TXNDC11: variants seen among roughly 807,000 people sequenced by gnomAD.
TXNDC11 encodes the protein thioredoxin domain-containing protein 11.
In TXNDC11, 68 loss-of-function variants were observed where a neutral mutation model predicts 78.0. The observed-to-expected ratio is 0.87, with a 90% confidence interval of 0.72 to 1.07. TXNDC11 has a LOEUF of 1.07. Ranked by LOEUF, TXNDC11 falls within the 50% of genes least tolerant of loss-of-function variation. The pLI is 0.00. For missense variants in TXNDC11, 1,389 were observed against 1,221.8 expected (o/e 1.14, Z -2.04); for synonymous variants, 571 against 495.2 (o/e 1.15, Z -2.03).
Position 11,730,526 on chromosome 16 carries a change from ATGACCTTTTACT to A in TXNDC11, c.699+107_699+118del. The A allele has an allele frequency of 2.9e-6, 3 of 1,043,770 alleles. No homozygotes were observed. The East Asian group carries it at 7.3e-5, about 25-fold the overall frequency. 64.7% of individuals were successfully genotyped at this position (1,043,770 alleles called of 1,614,324 possible). ...CATTTAACTGGGGCTGATCTATCACATGACCTTTTACTTGCTGCAATTCAGGAGGTATTTTTT... is the reference window on the plus strand; with the variant it reads ...CATTTAACTGGGGCTGATCTATCACATGCTGCAATTCAGGAGGTATTTTTT... On this transcript the variant is annotated intron_variant, in intron 4 of 11. Coordinates refer to ENST00000283033, the MANE Select transcript of TXNDC11 (RefSeq NM_015914.7).
chr16:11,713,298 AAAG>A (rs1173271666), intron 5 of TXNDC11, among the ~76,000 whole-genome samples: 1 of 151,928 alleles, frequency 6.6e-6, no homozygotes, highest in Non-Finnish European at 1.5e-5. Flanking sequence ...AAAAAAAAGA[AAAG>A]AAATCATAAT....
In TXNDC11 at chr16:11,679,316, T is replaced by G; in HGVS notation, c.2756A>C (p.Glu919Ala). ...DGAESLAAQR[E>A]VHPKQPEPSA... The stretch of plus-strand genomic sequence containing the variant: ...GGGCTCAGGCTGCTTGGGGTGGACC[T>G]CTCTCTGGGCCGCCAGGCTTTCAGC... Residue 919 changes from glutamate (E) to alanine (A), a missense_variant, in exon 12 of 12, where the codon GAG becomes GCG. Coordinates refer to ENST00000283033, the MANE Select transcript of TXNDC11 (RefSeq NM_015914.7). The surrounding 1 kb of genome is among the most constrained non-coding windows in gnomAD (Gnocchi z 4.6). 1 of 1,612,326 alleles carries G rather than the reference T, an allele frequency of 6.2e-7. No homozygotes were observed. The highest frequency in any genetic ancestry group is 1.7e-5 in the Admixed American group (1 of 59,840).
At chr16:11,714,777 AC>A (rs1181494437) in intron 5 of TXNDC11, among the ~76,000 whole-genome samples, 1 of 152,214 alleles carries the variant, frequency 6.6e-6, no homozygotes, top group African/African-American at 2.4e-5. Context: ...CTGGTGGAGT[AC>A]AGGGACACTA....
chr16:11,704,519 C>G (rs1257050940), intron 5 of TXNDC11, among the ~76,000 whole-genome samples: 1 of 152,192 alleles, frequency 6.6e-6, no homozygotes, highest in Non-Finnish European at 1.5e-5. Context: ...GCAGACACTA[C>G]TTTAACCAAC....
Position 11,742,356 on chromosome 16 carries a change from G to A in TXNDC11, c.254+121C>T, listed in dbSNP as rs1031188546. On this transcript the variant is annotated intron_variant, in intron 1 of 11. Coordinates refer to ENST00000283033, the MANE Select transcript of TXNDC11 (RefSeq NM_015914.7). ...CCGCAGGTTCCGGGAGGGGTCAGCC[G>A]TCCTGGGCAAGGTCAGGCCCGACTT... The A allele has an allele frequency of 7.6e-6, 6 of 791,472 alleles. No individual in the cohort carries two copies. In the African/African-American group the frequency reaches 9.1e-5, roughly 12 times the overall value. The allele number at this position is 791,472 out of a possible 1,614,324, so 49.0% of individuals were successfully genotyped here. A position where few individuals can be genotyped will look rare whatever the true frequency, so the allele number is the denominator to read the frequency against.
At chr16:11,696,398 G>A (rs2050860560) in intron 7 of TXNDC11, among the ~76,000 whole-genome samples, 1 of 152,236 alleles carries the variant, frequency 6.6e-6, no homozygotes, top group Non-Finnish European at 1.5e-5. Flanking sequence ...GGGCCTGATC[G>A]TCCTCTACTT....
chr16:11,694,352 C>A (rs1357794282), intron 7 of TXNDC11, among the ~76,000 whole-genome samples: 1 of 152,116 alleles, frequency 6.6e-6, no homozygotes, highest in African/African-American at 2.4e-5. Context: ...GTTGGCCAGG[C>A]TGGTCTCGAA....
At chr16:11,700,071 C>A (rs1297098905) in intron 6 of TXNDC11, among the ~76,000 whole-genome samples, 1 of 152,216 alleles carries the variant, frequency 6.6e-6, no homozygotes, top group Admixed American at 6.5e-5. Flanking sequence ...CATTACTACT[C>A]ATCATAAAAG....
intron 10 of TXNDC11, among the ~76,000 whole-genome samples, chr16:11,684,540 C>T (rs923370363): frequency 6.6e-6 from 1 of 152,162 alleles, no homozygotes; most frequent in African/African-American, 2.4e-5. Context: ...CCTCACCTGA[C>T]AGGATCTAGC....
At chr16:11,711,329 G>T (rs2051349092) in intron 5 of TXNDC11, among the ~76,000 whole-genome samples, 1 of 152,136 alleles carries the variant, frequency 6.6e-6, no homozygotes, top group Non-Finnish European at 1.5e-5. Context: ...AACAAATAAT[G>T]GCAGACACAC....
At chr16:11,692,111 G>C in intron 7 of TXNDC11, 29 bp from the exon 8 acceptor site, 1 of 1,502,180 alleles carries the variant, frequency 6.7e-7, no homozygotes. Context: ...TTGGTGAAGG[G>C]CTTGGGGATG....
At chr16:11,691,208 T>G in intron 8 of TXNDC11, 82 bp downstream of exon 8, 1 of 1,188,042 alleles carries the variant, frequency 8.4e-7, no homozygotes, top group Non-Finnish European at 1.2e-6. Context: ...CAACTAAATG[T>G]AATGAGAGCC....
chr16:11,697,412 A>C (rs932130563), intron 7 of TXNDC11, among the ~76,000 whole-genome samples: 4 of 152,078 alleles, frequency 2.6e-5, no homozygotes, highest in African/African-American at 9.7e-5. Context: ...AGTAAATGCA[A>C]TTTTGCCACC....
In TXNDC11 at chr16:11,733,974, G is replaced by T. The variant is rs372377067; in HGVS notation, c.569+8C>A. 2 of 1,594,202 alleles carry T rather than the reference G, an allele frequency of 1.3e-6. No homozygotes were observed. Among genetic ancestry groups the T allele is most frequent in the South Asian group, 2.3e-5 (2 of 88,306 alleles). The stretch of plus-strand genomic sequence containing the variant: ...TGGAATGAGAGACGCTATTTAAAAA[G>T]TTCTTACCTCCGATGATACAGATAT... On this transcript the variant is annotated splice_region_variant and intron_variant, in intron 3 of 11. Transcript: ENST00000283033.
At chr16:11,680,164 G>C (rs2050385305) in intron 11 of TXNDC11, among the ~76,000 whole-genome samples, 1 of 152,334 alleles carries the variant, frequency 6.6e-6, no homozygotes, top group Middle Eastern at 3.4e-3. Context: ...TGTAGGCATG[G>C]GGCCTCTGTG....
chr16:11,692,069 G>T lies in TXNDC11; in HGVS notation c.1121C>A (p.Ala374Asp). The change falls in exon 8 of 12, where the codon GCC (alanine) becomes GAC (aspartate). Residue 374 changes from alanine to aspartate, a missense_variant. Physicochemically the swap from Ala to Asp is moderately radical, Grantham distance 126. Transcript: ENST00000283033. ...HPLIDEITEV[A>D]LEYNNCHGDQ... ...CCCATGACAGTTGTTGTACTCCAAG[G>T]CCACTTCGGTGATCTGAAATACAGG... The T allele has an allele frequency of 6.6e-7, 1 of 1,524,462 alleles. No individual in the cohort carries two copies. Among genetic ancestry groups the T allele is most frequent in the Non-Finnish European group, 8.8e-7 (1 of 1,137,276 alleles). The allele number at this position is 1,524,462 out of a possible 1,614,324, so 94.4% of individuals were successfully genotyped here. A position where few individuals can be genotyped will look rare whatever the true frequency, so the allele number is the denominator to read the frequency against.
At chr16:11,729,220 C>T (rs567335837) in intron 4 of TXNDC11, among the ~76,000 whole-genome samples, 4 of 152,310 alleles carry the variant, frequency 2.6e-5, no homozygotes, top group African/African-American at 9.6e-5. Flanking sequence ...GAGTAACCCG[C>T]CCCAAATCAC....
At chr16:11,726,917 G>C (rs1170792349) in intron 4 of TXNDC11, among the ~76,000 whole-genome samples, 1 of 152,144 alleles carries the variant, frequency 6.6e-6, no homozygotes, top group Admixed American at 6.5e-5. Context: ...GCCAGGCGTG[G>C]AGGCACATGC....
chr16:11,693,130 A>AGGCCCCGGGCCAGG (rs2050767343), intron 7 of TXNDC11, among the ~76,000 whole-genome samples: 1 of 152,196 alleles, frequency 6.6e-6, no homozygotes, highest in African/African-American at 2.4e-5. Context: ...CCCGGGGCCT[A>AGGCCCCGGGCCAGG]GCACAGGGCC....
Sources: allele counts gnomAD v4.1 joint callset (sites outside exome capture counted in the v4.1 genomes callset), GRCh38; gene constraint gnomAD v4.1.1; non-coding constraint Gnocchi (gnomAD v3.1); transcripts MANE v1.5; gene names NCBI Gene and HGNC (gene_info 2026-07-23, HGNC 2026-07-21).